UNC13C: variants seen among roughly 807,000 people sequenced by gnomAD.
The protein encoded by UNC13C is protein unc-13 homolog C.
UNC13C carries 174 observed loss-of-function variants against 245.4 expected under a neutral mutation model. The ratio of observed to expected loss-of-function variants is 0.71; its 90% CI spans 0.63 to 0.80. The LOEUF is 0.80. Among genes scored for constraint, UNC13C ranks in the 30% least tolerant of loss-of-function variants. The probability of loss-of-function intolerance (pLI) is 0.00; values close to 1 mark genes in which losing one functional copy is unlikely to be tolerated. For synonymous variants in UNC13C, 992 were observed against 895.1 expected (o/e 1.11, Z -1.93); for missense variants, 2,829 against 2,602.9 (o/e 1.09, Z -1.89).
intron 23 of UNC13C, among the ~76,000 whole-genome samples, chr15:54,507,918 T>C (rs1222416108): frequency 6.6e-6 from 1 of 151,852 alleles, no homozygotes; most frequent in Non-Finnish European, 1.5e-5. Flanking sequence ...ACCAGTTTTT[T>C]CCCCCTCCAA....
chr15:54,057,096 A>G (rs1000868931), intron 2 of UNC13C, among the ~76,000 whole-genome samples: 2 of 152,204 alleles, frequency 1.3e-5, no homozygotes, highest in African/African-American at 4.8e-5. Flanking sequence ...ACAGGATCAA[A>G]TTCACACATA....
chr15:53,846,226 G>C, the UNC13C span, among the ~76,000 whole-genome samples: 1 of 152,136 alleles, frequency 6.6e-6, no homozygotes, highest in Non-Finnish European at 1.5e-5. Context: ...AAGTTAAGGA[G>C]CAACTCTACT....
chr15:54,544,587 C>T (rs1382839291), intron 26 of UNC13C, among the ~76,000 whole-genome samples: 1 of 152,030 alleles, frequency 6.6e-6, no homozygotes, highest in Non-Finnish European at 1.5e-5. Context: ...CTGATAAGAA[C>T]CTTAAGCAAA....
At chr15:54,452,739 G>A (rs1241718074) in intron 19 of UNC13C, among the ~76,000 whole-genome samples, 2 of 152,242 alleles carry the variant, frequency 1.3e-5, no homozygotes. Flanking sequence ...CTACTGCTAA[G>A]GGCCAGTTTG....
intron 17 of UNC13C, among the ~76,000 whole-genome samples, chr15:54,376,420 G>A (rs904234648): frequency 3.3e-5 from 5 of 152,002 alleles, no homozygotes; most frequent in Admixed American, 1.3e-4. Flanking sequence ...AAGCATATAC[G>A]AGTTTAAATT....
chr15:53,857,230 G>T, the UNC13C span, among the ~76,000 whole-genome samples: 1 of 152,116 alleles, frequency 6.6e-6, no homozygotes, highest in Non-Finnish European at 1.5e-5. Flanking sequence ...TGTCTGATTC[G>T]TGGATCTTTG....
At chr15:54,552,681 AT>A (rs1387603216) in intron 28 of UNC13C, among the ~76,000 whole-genome samples, 1 of 83,878 alleles carries the variant, frequency 1.2e-5, no homozygotes, top group Non-Finnish European at 2.0e-5. Context: ...ATATAATATA[AT>A]TATATAATTA....
At chr15:54,575,013 G>T (rs1897896856) in intron 30 of UNC13C, among the ~76,000 whole-genome samples, 1 of 152,002 alleles carries the variant, frequency 6.6e-6, no homozygotes, top group Admixed American at 6.6e-5. Context: ...TATAATTTAA[G>T]TGGAAGAAAT....
Position 54,224,262 on chromosome 15 carries a change from T to C in UNC13C, c.3072-10768T>C, listed in dbSNP as rs533955870. 9.8e-5 allele frequency among the ~76,000 whole-genome samples: 15 copies of C among 152,302 alleles called. No individual in the cohort carries two copies. In the Middle Eastern group the frequency reaches 0.01, roughly 104 times the overall value. On this transcript the variant is annotated intron_variant, in intron 4 of 32. Coordinates refer to ENST00000260323, the MANE Select transcript of UNC13C (RefSeq NM_001080534.3). Reference sequence around the variant, plus strand: ...TTTCCCCATTCAGTATGTTACTAGCTGTGTGTCTGTTGTATTTTTGGCACT... The same window carrying C: ...TTTCCCCATTCAGTATGTTACTAGCCGTGTGTCTGTTGTATTTTTGGCACT...
chr15:54,551,784 A>C (rs1487383494), intron 28 of UNC13C, among the ~76,000 whole-genome samples: 2 of 151,974 alleles, frequency 1.3e-5, no homozygotes. Context: ...TTAAATTATC[A>C]GTCCATTTAG....
the UNC13C span, among the ~76,000 whole-genome samples, chr15:53,862,346 G>A: frequency 1.2e-4 from 19 of 152,062 alleles, no homozygotes; most frequent in Admixed American, 7.9e-4. Flanking sequence ...TCTAGTGCTC[G>A]TGTATATTTT....
At chr15:54,364,225 A>G (rs1185356266) in intron 17 of UNC13C, among the ~76,000 whole-genome samples, 1 of 152,210 alleles carries the variant, frequency 6.6e-6, no homozygotes, top group Non-Finnish European at 1.5e-5. Context: ...ATGACATTTA[A>G]TCTATTTTAT....
rs765734654 is a variant in UNC13C, at chr15:54,265,505, A to G, written c.3818+9A>G. 5.9e-6 allele frequency: 9 copies of G among 1,514,950 alleles called. No individual in the cohort carries two copies. The African/African-American group carries it at 1.1e-4, about 19-fold the overall frequency. 93.8% of individuals were successfully genotyped at this position (1,514,950 alleles called of 1,614,324 possible). Reference sequence around the variant, plus strand: ...GATGAGAAGTTTTATTTGTGAGTATATAATGTGAAACCTTTACAAATATTA... The same window carrying G: ...GATGAGAAGTTTTATTTGTGAGTATGTAATGTGAAACCTTTACAAATATTA... On this transcript the variant is annotated intron_variant, in intron 10 of 32. Transcript: ENST00000260323.
chr15:54,498,772 A>G (rs920031299), intron 20 of UNC13C, among the ~76,000 whole-genome samples: 31 of 152,196 alleles, frequency 2.0e-4, no homozygotes, highest in African/African-American at 6.5e-4. Context: ...TGAAATCTGT[A>G]ACATTCCTAA....
At chr15:53,996,330 A>G (rs11852347) in intron 1 of UNC13C, among the ~76,000 whole-genome samples, 14,062 of 152,248 alleles carry the variant, frequency 0.092, 786 homozygotes, top group Middle Eastern at 0.19. Context: ...AGGATTTCCA[A>G]GCAGGTTTAA....
At chr15:53,858,704 C>A in the UNC13C span, among the ~76,000 whole-genome samples, 4 of 152,138 alleles carry the variant, frequency 2.6e-5, no homozygotes, top group Non-Finnish European at 5.9e-5. Context: ...CAGGCATGAG[C>A]CACCACACCT....
chr15:54,444,544 A>G (rs1890701185), intron 19 of UNC13C, among the ~76,000 whole-genome samples: 1 of 151,730 alleles, frequency 6.6e-6, no homozygotes, highest in Admixed American at 6.6e-5. Context: ...TCATTGATAT[A>G]TGAGATTTTG....
intron 8 of UNC13C, among the ~76,000 whole-genome samples, chr15:54,255,994 C>T (rs984640546): frequency 2.0e-5 from 3 of 152,076 alleles, no homozygotes; most frequent in Non-Finnish European, 2.9e-5. Context: ...TGCATAATGC[C>T]GTAGAGGTAT....
intron 31 of UNC13C, 78 bp downstream of exon 31, chr15:54,622,497 C>A: frequency 8.8e-7 from 1 of 1,133,538 alleles, no homozygotes; most frequent in Non-Finnish European, 1.3e-6. Flanking sequence ...TGTAACTTTT[C>A]TTGCATTTAA....
Sources: allele counts gnomAD v4.1 joint callset (sites outside exome capture counted in the v4.1 genomes callset), GRCh38; gene constraint gnomAD v4.1.1; transcripts MANE v1.5; gene names NCBI Gene and HGNC (gene_info 2026-07-23, HGNC 2026-07-21).